The following GDAP2 variants were observed in gnomAD, a reference collection of about 807,000 sequenced individuals.
GDAP2 encodes ganglioside induced differentiation associated protein 2, also known as ganglioside-induced differentiation-associated protein 2.
GDAP2 carries 51 observed loss-of-function variants against 67.0 expected under a neutral mutation model. That is an observed-to-expected ratio of 0.76 (90% CI 0.61 to 0.96). The LOEUF (loss-of-function observed/expected upper bound fraction) is 0.96, where lower values mean the gene tolerates loss of function less well. GDAP2 is among the 40% of genes least tolerant of loss of function. The probability of loss-of-function intolerance (pLI) is 0.00; values close to 1 mark genes in which losing one functional copy is unlikely to be tolerated. For synonymous variants in GDAP2, 203 were observed against 207.3 expected, an observed-to-expected ratio of 0.98 and a Z score of 0.18; for missense variants, 547 against 588.3, an observed-to-expected ratio of 0.93 and a Z score of 0.73.
intron 8 of GDAP2, among the ~76,000 whole-genome samples, chr1:117,893,309 C>T (rs1649154046): frequency 1.3e-5 from 2 of 152,002 alleles, no homozygotes; most frequent in South Asian, 4.1e-4. Flanking sequence ...GGTAAGTAAA[C>T]CAATGTCTAC....
chr1:117,882,631 G>A (rs745355371), intron 11 of GDAP2, among the ~76,000 whole-genome samples: 13 of 152,152 alleles, frequency 8.5e-5, no homozygotes, highest in Admixed American at 2.0e-4. Flanking sequence ...CCTGTTCCAC[G>A]TTTAAGAACT....
chr1:117,922,367 T>C (rs957449213), intron 1 of GDAP2, among the ~76,000 whole-genome samples: 2 of 152,252 alleles, frequency 1.3e-5, no homozygotes, highest in East Asian at 3.9e-4. Flanking sequence ...CAGGAAAGCA[T>C]GGTGGCCTAA....
At chr1:117,906,147 G>T (rs183567488) in intron 6 of GDAP2, among the ~76,000 whole-genome samples, 490 of 152,276 alleles carry the variant, frequency 3.2e-3, no homozygotes, top group African/African-American at 0.011. Flanking sequence ...ACCTGGTCAG[G>T]CAGACACCAA....
intron 1 of GDAP2, among the ~76,000 whole-genome samples, chr1:117,922,911 C>T (rs1003732961): frequency 6.6e-6 from 1 of 152,218 alleles, no homozygotes; most frequent in Non-Finnish European, 1.5e-5. Context: ...CATGTTTCAT[C>T]CCTATCTACA....
chr1:117,900,616 A>T (rs1474381364), intron 6 of GDAP2, among the ~76,000 whole-genome samples: 1 of 152,032 alleles, frequency 6.6e-6, no homozygotes, highest in Non-Finnish European at 1.5e-5. Context: ...AATATAAAAA[A>T]TTACCCAGGC....
At chr1:117,884,609 T>C (rs915788033) in intron 10 of GDAP2, among the ~76,000 whole-genome samples, 2 of 152,158 alleles carry the variant, frequency 1.3e-5, no homozygotes, top group Non-Finnish European at 2.9e-5. Context: ...TATCACCATC[T>C]ATCTCAATAT....
intron 8 of GDAP2, among the ~76,000 whole-genome samples, chr1:117,891,509 T>C (rs887001846): frequency 1.3e-5 from 2 of 152,122 alleles, no homozygotes; most frequent in African/African-American, 4.8e-5. Context: ...TGGTCAGTAA[T>C]GAGGTTGAGA....
intron 6 of GDAP2, 72 bp downstream of exon 6, chr1:117,906,434 G>T: frequency 1.3e-6 from 1 of 777,976 alleles, no homozygotes; most frequent in Non-Finnish European, 2.2e-6. Context: ...CAGTAAATAT[G>T]TAGTGACAAG....
In GDAP2 at chr1:117,870,565, CAGGT is replaced by C. The variant is rs1289021819; in HGVS notation, c.1494_*3del. ...GGAACCAAGAAGCACTGAAAGATGG[CAGGT>C]CACAAATCTGGTGATGGGGGATATG... On this transcript the variant is annotated stop_lost and 3_prime_UTR_variant, in exon 14 of 14. Coordinates refer to ENST00000369443, the MANE Select transcript of GDAP2 (RefSeq NM_017686.4). 1 of 1,586,714 alleles carries C rather than the reference CAGGT, an allele frequency of 6.3e-7. No individual in the cohort carries two copies. Among genetic ancestry groups the C allele is most frequent in the African/African-American group, 1.3e-5 (1 of 74,256 alleles).
Position 117,878,131 on chromosome 1 carries a change from T to C in GDAP2, c.1324A>G (p.Thr442Ala). Residue 442 changes from threonine (T) to alanine (A), a missense_variant, in exon 13 of 14, where the codon ACC becomes GCC. Coordinates refer to ENST00000369443, the MANE Select transcript of GDAP2 (RefSeq NM_017686.4). ...TCCTTCAGTCCTGAGACAGAAAAGG[T>C]GGTAAAAAACCATGTTGACACCTGA... is the stretch of plus-strand genomic sequence containing the variant. ...RSKVSTWFFT[T>A]FSVSGLKDKI... The C allele has an allele frequency of 6.3e-7, 1 of 1,595,696 alleles. No homozygotes were observed. The highest frequency in any genetic ancestry group is 8.6e-7 in the Non-Finnish European group (1 of 1,169,078).
chr1:117,869,580 A>G lies in GDAP2; in HGVS notation c.*989T>C, dbSNP rs1032629383. On this transcript the variant is annotated 3_prime_UTR_variant, in exon 14 of 14. Transcript: ENST00000369443. ...TAATTCTAATTTTTACTCATAACCA[A>G]GCTAAGGCACAAATAGAGCCTGAGT... The G allele has an allele frequency of 1.3e-5, 2 of 152,622 alleles. No individual in the cohort carries two copies. Among genetic ancestry groups the G allele is most frequent in the African/African-American group, 4.8e-5 (2 of 41,454 alleles). 9.5% of individuals were successfully genotyped at this position (152,622 alleles called of 1,614,324 possible).
chr1:117,916,109 C>G (rs1650037092), intron 3 of GDAP2, among the ~76,000 whole-genome samples: 1 of 152,132 alleles, frequency 6.6e-6, no homozygotes, highest in Non-Finnish European at 1.5e-5. Context: ...ACAGTTATCA[C>G]AAGACAATTT....
intron 6 of GDAP2, among the ~76,000 whole-genome samples, chr1:117,904,947 T>C (rs755222361): frequency 4.6e-5 from 7 of 152,198 alleles, no homozygotes; most frequent in Admixed American, 1.3e-4. Flanking sequence ...CACTTTCTAT[T>C]TGCTATCTCA....
rs745964438 is a variant in GDAP2 at position 117,867,527 on chromosome 1, GAAAAAA to G, written c.*3036_*3041del. The G allele has an allele frequency of 1.4e-4, 11 of 80,120 alleles. No homozygotes were observed. Among genetic ancestry groups the G allele is most frequent in the East Asian group, 6.1e-4 (2 of 3,262 alleles). The allele number at this position is 80,120 out of a possible 1,614,324, so 5.0% of individuals were successfully genotyped here. On this transcript the variant is annotated 3_prime_UTR_variant, in exon 14 of 14. Transcript: ENST00000369443. ...AACATGGTGAAACCCTGTCTCTACT[GAAAAAA>G]AAAAAAAAAAAAAAAAAAATTAGCC...
At chr1:117,882,486 T>C (rs927468915) in intron 11 of GDAP2, among the ~76,000 whole-genome samples, 3 of 152,110 alleles carry the variant, frequency 2.0e-5, no homozygotes, top group Non-Finnish European at 4.4e-5. Context: ...AGATTCATTC[T>C]CCTATCCACT....
intron 1 of GDAP2, among the ~76,000 whole-genome samples, chr1:117,921,235 C>T (rs909808051): frequency 5.3e-5 from 7 of 131,370 alleles, no homozygotes; most frequent in African/African-American, 9.8e-5. Flanking sequence ...AGCAAAACTC[C>T]GTCTAAAAAA....
chr1:117,918,649 A>G lies in GDAP2; in HGVS notation c.264T>C (p.Ser88=), dbSNP rs12070959. ...AATCAGGCCCTGCAAGCATGAAGAT[A>G]CTTTCTGACACAGGATTCTTATCTG... ...SLTDKNPVSE[S]IFMLAGPDLK... The change falls in exon 3 of 14, where the codon AGT becomes AGC. Residue 88 remains serine (S), a synonymous_variant. Coordinates refer to ENST00000369443, the MANE Select transcript of GDAP2 (RefSeq NM_017686.4). 7,572 of 1,608,754 alleles carry G rather than the reference A, an allele frequency of 4.7e-3. 288 individuals carry two copies. The African/African-American group carries it at 0.087, about 18-fold the overall frequency.
At chr1:117,872,461 CTAGA>C (rs1378195647) in intron 13 of GDAP2, among the ~76,000 whole-genome samples, 3 of 152,042 alleles carry the variant, frequency 2.0e-5, no homozygotes, top group East Asian at 1.9e-4. Context: ...CAATGATAGA[CTAGA>C]TAAAGAAAAT....
intron 5 of GDAP2, among the ~76,000 whole-genome samples, chr1:117,910,536 TACTC>T (rs967625026): frequency 6.6e-6 from 1 of 152,178 alleles, no homozygotes; most frequent in Non-Finnish European, 1.5e-5. Context: ...ACTGAACAGA[TACTC>T]ACCCTAAACT....
Sources: gnomAD v4.1 joint callset for allele counts (sites outside exome capture counted in the v4.1 genomes callset) on GRCh38, gnomAD v4.1.1 for gene constraint, MANE v1.5 for transcripts, NCBI Gene and HGNC (gene_info 2026-07-23, HGNC 2026-07-21) for gene names.